Variants in BLTP2 observed in about 807,000 individuals in gnomAD.
BLTP2 encodes U937-associated antigen.
chr17:28,618,987 G>T, the BLTP2 span: 1 of 1,607,964 alleles, frequency 6.2e-7, no homozygotes. Context: ...AGTGGACAGG[G>T]GAGCCAAAGC....
chr17:28,638,417 T>C, the BLTP2 span: 2 of 1,612,514 alleles, frequency 1.2e-6, no homozygotes, highest in Non-Finnish European at 1.7e-6. Flanking sequence ...GCTGGTAATC[T>C]GAACAAAGGT....
the BLTP2 span, chr17:28,644,864 C>T: frequency 1.3e-6 from 1 of 793,972 alleles, no homozygotes; most frequent in East Asian, 2.8e-5. Flanking sequence ...CCCCTCCCTC[C>T]ACCCTACCCA....
At chr17:28,629,468 T>TTTTA in the BLTP2 span, among the ~76,000 whole-genome samples, 34 of 151,996 alleles carry the variant, frequency 2.2e-4, no homozygotes, top group African/African-American at 6.0e-4. Context: ...TTTATTTATT[T>TTTTA]TTTATTTATT....
At chr17:28,644,977 G>C in the BLTP2 span, 1 of 1,568,186 alleles carries the variant, frequency 6.4e-7, no homozygotes, top group Non-Finnish European at 8.6e-7. Flanking sequence ...CGGCGCGGCC[G>C]GGAACCCTCA....
chr17:28,628,232 C>T, the BLTP2 span: 1 of 1,604,588 alleles, frequency 6.2e-7, no homozygotes, highest in Non-Finnish European at 8.5e-7. Context: ...GTTCTAAACC[C>T]AAACCCAAAA....
the BLTP2 span, among the ~76,000 whole-genome samples, chr17:28,629,622 C>A: frequency 6.6e-6 from 1 of 152,106 alleles, no homozygotes; most frequent in Admixed American, 6.6e-5. Context: ...GGATTACAGG[C>A]ACCTGCCACC....
chr17:28,644,219 CT>C, the BLTP2 span: 2 of 1,605,094 alleles, frequency 1.2e-6, no homozygotes, highest in Non-Finnish European at 1.7e-6. Flanking sequence ...TTCATAGGAC[CT>C]TTTTCCAATG....
chr17:28,617,931 C>CTTTTTTT, the BLTP2 span, among the ~76,000 whole-genome samples: 1 of 128,700 alleles, frequency 7.8e-6, no homozygotes, highest in African/African-American at 2.9e-5. Context: ...ACCCAATTTT[C>CTTTTTTT]TTTTTTTTTT....
the BLTP2 span, chr17:28,634,405 C>T: frequency 9.3e-7 from 1 of 1,076,064 alleles, no homozygotes; most frequent in Non-Finnish European, 1.4e-6. Context: ...CCACTCCACC[C>T]ACCCAAAACG....
the BLTP2 span, chr17:28,632,797 A>C: frequency 1.8e-6 from 1 of 549,074 alleles, no homozygotes; most frequent in Non-Finnish European, 3.0e-6. Context: ...CCCCTGCCAA[A>C]AAACAAAAAA....
chr17:28,626,921 C>T, the BLTP2 span, among the ~76,000 whole-genome samples: 2 of 152,268 alleles, frequency 1.3e-5, no homozygotes, highest in Non-Finnish European at 2.9e-5. Context: ...CGTTTATAGC[C>T]AGTTGGTGAG....
chr17:28,635,033 G>A, the BLTP2 span: 95 of 1,613,372 alleles, frequency 5.9e-5, no homozygotes, highest in Non-Finnish European at 7.7e-5. Flanking sequence ...GTCCCTTGAT[G>A]TAGTCCCTTC....
chr17:28,635,866 T>G, the BLTP2 span: 2 of 411,694 alleles, frequency 4.9e-6, no homozygotes, highest in Admixed American at 4.1e-5. Flanking sequence ...TGTCTGAAAA[T>G]AGGGGCCATG....
At chr17:28,643,408 A>C in the BLTP2 span, 3 of 1,511,176 alleles carry the variant, frequency 2.0e-6, no homozygotes, top group South Asian at 3.5e-5. Context: ...TCCTAGAAAT[A>C]TAGCTCAAAT....
chr17:28,643,895 C>A, the BLTP2 span, among the ~76,000 whole-genome samples: 1 of 152,230 alleles, frequency 6.6e-6, no homozygotes, highest in Admixed American at 6.5e-5. Context: ...GAACAACTTG[C>A]AGCGTTCTCC....
the BLTP2 span, chr17:28,620,755 G>A: frequency 9.0e-7 from 1 of 1,111,230 alleles, no homozygotes; most frequent in Non-Finnish European, 1.3e-6. Flanking sequence ...AGTTGCTCAT[G>A]GGCAGAAACA....
the BLTP2 span, chr17:28,616,364 G>T: frequency 6.2e-7 from 1 of 1,614,006 alleles, no homozygotes; most frequent in Non-Finnish European, 8.5e-7. This position sits in a 1 kb window ranked among gnomAD's most constrained non-coding sequence, Gnocchi z 4.8. Context: ...CTATCATCAG[G>T]GGCATGTTTG....
the BLTP2 span, among the ~76,000 whole-genome samples, chr17:28,641,569 G>A: frequency 2.0e-5 from 3 of 151,900 alleles, no homozygotes; most frequent in South Asian, 2.1e-4. Context: ...GAACCCAGAA[G>A]GTTAAAGGTT....
the BLTP2 span, among the ~76,000 whole-genome samples, chr17:28,625,330 G>C: frequency 1.9e-5 from 1 of 51,814 alleles, no homozygotes; most frequent in Admixed American, 3.2e-4. Context: ...GCAAGACTCC[G>C]TCTCAAAAAA....
Sources: allele counts gnomAD v4.1 joint callset (sites outside exome capture counted in the v4.1 genomes callset), GRCh38; gene constraint gnomAD v4.1.1; non-coding constraint Gnocchi (gnomAD v3.1); transcripts MANE v1.5; gene names NCBI Gene and HGNC (gene_info 2026-07-23, HGNC 2026-07-21).